The following CDH17 variants were observed in gnomAD, a reference collection of about 807,000 sequenced individuals.
The protein encoded by CDH17 is cadherin-17.
CDH17 carries 67 observed loss-of-function variants against 86.3 expected under a neutral mutation model. The observed-to-expected ratio is 0.78, with a 90% CI of 0.64 to 0.95. The LOEUF is 0.95. Ranked by LOEUF, CDH17 falls within the 40% of genes least tolerant of loss-of-function variation. The pLI is 0.00. For missense variants in CDH17, 993 were observed against 1,017.6 expected (o/e 0.98, Z 0.33); for synonymous variants, 367 against 366.4 (o/e 1.00, Z -0.02).
intron 10 of CDH17, 22 bp from the exon 11 acceptor site, chr8:94,162,184 C>A: frequency 6.7e-7 from 1 of 1,502,372 alleles, no homozygotes; most frequent in South Asian, 1.1e-5. Context: ...AGTCATATGT[C>A]ATAGAAATTT....
chr8:94,128,275 C>T lies in CDH17; in HGVS notation c.2464G>A (p.Ala822Thr), dbSNP rs145032499. The change falls in exon 18 of 18, where the codon GCT (alanine) becomes ACT (threonine). Residue 822 changes from alanine to threonine, a missense_variant. Physicochemically the swap from Ala to Thr is moderately conservative, Grantham distance 58. Transcript: ENST00000027335. The part of the protein sequence containing the change: ...KDKGKDNVES[A>T]QASEVKPLRS ...AGAGGTTTGACTTCAGATGCTTGAG[C>T]ACTTTCAACATTATCTTTGCCTTTA... 112 of 1,613,476 alleles carry T rather than the reference C, an allele frequency of 6.9e-5. 1 individual carries two copies. In the African/African-American group the frequency reaches 1.2e-3, roughly 18 times the overall value.
intron 1 of CDH17, chr8:94,197,458 T>C (rs1005235476): frequency 2.2e-4 from 34 of 152,360 alleles, no homozygotes; most frequent in African/African-American, 7.7e-4. Flanking sequence ...TCTATAGCTA[T>C]GTGGCTATGG....
In CDH17 at chr8:94,177,446, T is replaced by G. The variant is rs1813396090; in HGVS notation, c.285+141A>C. On this transcript the variant is annotated intron_variant, in intron 4 of 17. Transcript: ENST00000027335. ...CTGTAGTTGGTAAGAAATGGACATG[T>G]GAGGATTGCAAAGCGTCCCATTAAT... The G allele has an allele frequency of 6.0e-6, 5 of 840,230 alleles. No individual in the cohort carries two copies. In the African/African-American group the frequency reaches 8.5e-5, roughly 14 times the overall value. 52.0% of individuals were successfully genotyped at this position (840,230 alleles called of 1,614,324 possible). A position where few individuals can be genotyped will look rare whatever the true frequency, so the allele number is the denominator to read the frequency against.
At chr8:94,199,083 A>ATATTT (rs1283889347) in intron 1 of CDH17, among the ~76,000 whole-genome samples, 3 of 23,212 alleles carry the variant, frequency 1.3e-4, no homozygotes, top group African/African-American at 3.2e-4. Context: ...ATATATATAT[A>ATATTT]TTTTTTTTTT....
intron 10 of CDH17, among the ~76,000 whole-genome samples, chr8:94,164,329 A>G (rs987800120): frequency 9.2e-5 from 14 of 152,162 alleles, no homozygotes; most frequent in African/African-American, 3.1e-4. Flanking sequence ...ACTGACTCAC[A>G]TGTCCGTCTC....
chr8:94,161,552 T>C (rs998522929), intron 11 of CDH17, among the ~76,000 whole-genome samples: 1 of 152,228 alleles, frequency 6.6e-6, no homozygotes, highest in Non-Finnish European at 1.5e-5. Flanking sequence ...CTTGAGGTTC[T>C]AAATTGACTT....
intron 1 of CDH17, among the ~76,000 whole-genome samples, chr8:94,206,202 C>CA (rs2129656349): frequency 6.6e-6 from 1 of 152,102 alleles, no homozygotes; most frequent in Non-Finnish European, 1.5e-5. Flanking sequence ...GTTAATACCT[C>CA]AGCCACTAGG....
At chr8:94,169,310 T>G (rs1178218337) in intron 9 of CDH17, among the ~76,000 whole-genome samples, 1 of 152,094 alleles carries the variant, frequency 6.6e-6, no homozygotes, top group Non-Finnish European at 1.5e-5. Context: ...ACTCTTCCTG[T>G]TGTGGCAAGA....
At chr8:94,133,101 G>T (rs751014948) in intron 15 of CDH17, among the ~76,000 whole-genome samples, 13 of 152,154 alleles carry the variant, frequency 8.5e-5, no homozygotes, top group Non-Finnish European at 1.8e-4. Flanking sequence ...CAGGTAGTGT[G>T]ACACCTCCAG....
At chr8:94,199,181 A>G (rs886273782) in intron 1 of CDH17, among the ~76,000 whole-genome samples, 4 of 150,714 alleles carry the variant, frequency 2.7e-5, no homozygotes. Flanking sequence ...AGGTCTCTTC[A>G]TACTATCCCT....
chr8:94,134,747 A>T (rs1185338062), intron 15 of CDH17, among the ~76,000 whole-genome samples: 2 of 151,582 alleles, frequency 1.3e-5, no homozygotes, highest in Non-Finnish European at 2.9e-5. Context: ...TTTCATTGTG[A>T]TGTTAGGGTG....
At chr8:94,201,611 G>A (rs1813913373) in intron 1 of CDH17, among the ~76,000 whole-genome samples, 1 of 152,146 alleles carries the variant, frequency 6.6e-6, no homozygotes, top group African/African-American at 2.4e-5. Flanking sequence ...TTGGACTTCT[G>A]GTCACCAGAA....
At chr8:94,129,898 G>A (rs1297493294) in intron 17 of CDH17, among the ~76,000 whole-genome samples, 1 of 152,146 alleles carries the variant, frequency 6.6e-6, no homozygotes, top group East Asian at 1.9e-4. Flanking sequence ...ATTTTGTGTT[G>A]AGACTTGGGT....
intron 12 of CDH17, among the ~76,000 whole-genome samples, chr8:94,154,820 T>C (rs1454499217): frequency 6.6e-6 from 1 of 152,114 alleles, no homozygotes; most frequent in Non-Finnish European, 1.5e-5. Context: ...CATCTTTGCT[T>C]CTCATCTCTT....
At chr8:94,202,641 C>G (rs1813941268) in intron 1 of CDH17, 1 of 156,924 alleles carries the variant, frequency 6.4e-6, no homozygotes, top group Non-Finnish European at 1.4e-5. Flanking sequence ...GCAGAATGGT[C>G]TCGAGGGCCG....
At chr8:94,147,451 C>G (rs1329537052) in intron 14 of CDH17, among the ~76,000 whole-genome samples, 1 of 152,124 alleles carries the variant, frequency 6.6e-6, no homozygotes, top group East Asian at 1.9e-4. Context: ...TTCTCCAATT[C>G]AGCTCTCAAC....
chr8:94,130,398 G>A (rs2130563012), intron 17 of CDH17, among the ~76,000 whole-genome samples: 1 of 152,230 alleles, frequency 6.6e-6, no homozygotes, highest in East Asian at 1.9e-4. Context: ...TGACCATAAA[G>A]CCCCTTATAT....
chr8:94,186,661 A>C (rs1813585673), intron 3 of CDH17, among the ~76,000 whole-genome samples: 1 of 152,200 alleles, frequency 6.6e-6, no homozygotes, highest in Non-Finnish European at 1.5e-5. Context: ...CTCTATAGTT[A>C]CTCAAACCAG....
intron 1 of CDH17, among the ~76,000 whole-genome samples, chr8:94,214,359 C>A (rs1044668968): frequency 1.3e-5 from 2 of 152,108 alleles, no homozygotes; most frequent in African/African-American, 4.8e-5. Flanking sequence ...CATTAGACAC[C>A]AAAACAGGAT....
Sources: gnomAD v4.1 joint callset for allele counts (sites outside exome capture counted in the v4.1 genomes callset) on GRCh38, gnomAD v4.1.1 for gene constraint, MANE v1.5 for transcripts, NCBI Gene and HGNC (gene_info 2026-07-23, HGNC 2026-07-21) for gene names.